CATSPERE: variants seen among roughly 807,000 people sequenced by gnomAD.
CATSPERE encodes cation channel sperm-associated auxiliary subunit epsilon.
In CATSPERE, 93 loss-of-function variants were observed where a neutral mutation model predicts 114.1. The ratio of observed to expected loss-of-function variants is 0.81; its 90% confidence interval spans 0.69 to 0.97. The LOEUF (loss-of-function observed/expected upper bound fraction) is 0.97. Among genes scored for constraint, CATSPERE ranks in the 50% least tolerant of loss-of-function variants. CATSPERE has a pLI of 0.00. For missense variants in CATSPERE, 1,058 were observed against 1,131.6 expected, an observed-to-expected ratio of 0.93 and a Z score of 0.93; for synonymous variants, 341 against 384.1, an observed-to-expected ratio of 0.89 and a Z score of 1.31.
chr1:244,496,262 G>T (rs1198207163), intron 6 of CATSPERE, among the ~76,000 whole-genome samples: 3 of 152,162 alleles, frequency 2.0e-5, no homozygotes, highest in Non-Finnish European at 4.4e-5. Context: ...ATCCTTTAAA[G>T]AATCAAAGAG....
At chr1:244,553,622 C>CACACACACACATATATACAT (rs1553356162) in intron 9 of CATSPERE, among the ~76,000 whole-genome samples, 5,612 of 141,212 alleles carry the variant, frequency 0.04, 172 homozygotes, top group Non-Finnish European at 0.058. Flanking sequence ...CACACACACA[C>CACACACACACATATATACAT]ACACACACAC....
intron 1 of CATSPERE, among the ~76,000 whole-genome samples, chr1:244,462,451 G>A (rs933736117): frequency 2.0e-5 from 3 of 152,142 alleles, no homozygotes; most frequent in Non-Finnish European, 4.4e-5. Context: ...GTGAGAAGCT[G>A]TTGAGGGAGC....
chr1:244,520,243 T>G (rs975965178), intron 8 of CATSPERE, among the ~76,000 whole-genome samples: 1 of 152,172 alleles, frequency 6.6e-6, no homozygotes, highest in African/African-American at 2.4e-5. Context: ...ATGAGTATTA[T>G]AGTGTTCGCT....
chr1:244,521,457 T>C (rs1677544011), intron 8 of CATSPERE, among the ~76,000 whole-genome samples: 1 of 152,224 alleles, frequency 6.6e-6, no homozygotes, highest in Non-Finnish European at 1.5e-5. Flanking sequence ...TATTTTTAAA[T>C]GTTTTAATGT....
intron 8 of CATSPERE, among the ~76,000 whole-genome samples, chr1:244,521,674 T>A (rs1451772257): frequency 6.6e-6 from 1 of 152,034 alleles, no homozygotes; most frequent in African/African-American, 2.4e-5. Context: ...CTGAAAAAAA[T>A]TAGAAATATA....
chr1:244,453,445 C>G (rs1381865743), upstream of CATSPERE, among the ~76,000 whole-genome samples: 1 of 152,222 alleles, frequency 6.6e-6, no homozygotes, highest in Non-Finnish European at 1.5e-5. Context: ...ATTTGCCTGT[C>G]TTGATGAATT....
At chr1:244,539,228 A>T (rs1477392115) in intron 8 of CATSPERE, among the ~76,000 whole-genome samples, 1 of 151,302 alleles carries the variant, frequency 6.6e-6, no homozygotes, top group Non-Finnish European at 1.5e-5. Flanking sequence ...CTATTGAGAT[A>T]ATCGTGTGGT....
At chr1:244,600,381 G>GAC (rs144626960) in intron 17 of CATSPERE, among the ~76,000 whole-genome samples, 1 of 150,506 alleles carries the variant, frequency 6.6e-6, no homozygotes, top group African/African-American at 2.4e-5. Flanking sequence ...AAGAGAGAGA[G>GAC]AGAGACTAGA....
chr1:244,482,578 C>T (rs1367347493), intron 5 of CATSPERE, among the ~76,000 whole-genome samples: 1 of 151,678 alleles, frequency 6.6e-6, no homozygotes, highest in African/African-American at 2.4e-5. Context: ...CTCCAGCCTC[C>T]ATGACAGAGT....
intron 11 of CATSPERE, among the ~76,000 whole-genome samples, chr1:244,580,213 T>A (rs78382992): frequency 1.4e-5 from 2 of 142,548 alleles, no homozygotes; most frequent in African/African-American, 2.6e-5. Flanking sequence ...ATTTTTGTAT[T>A]TTTTTTTTTT....
chr1:244,569,254 C>T (rs1218796786), intron 10 of CATSPERE, among the ~76,000 whole-genome samples: 1 of 152,238 alleles, frequency 6.6e-6, no homozygotes, highest in African/African-American at 2.4e-5. Flanking sequence ...AGCTCGTCTT[C>T]CGTGGGCTGC....
At chr1:244,638,726 A>G (rs1269944997) in intron 21 of CATSPERE, among the ~76,000 whole-genome samples, 2 of 152,230 alleles carry the variant, frequency 1.3e-5, no homozygotes, top group African/African-American at 2.4e-5. Context: ...GGGCAATTAC[A>G]TATAGCCATA....
intron 17 of CATSPERE, among the ~76,000 whole-genome samples, chr1:244,597,845 T>C (rs1668656384): frequency 6.6e-6 from 1 of 152,206 alleles, no homozygotes; most frequent in African/African-American, 2.4e-5. Flanking sequence ...GTGTGAGAAG[T>C]GTTTTCATTT....
At chr1:244,614,757 G>A (rs1671162417) in intron 19 of CATSPERE, among the ~76,000 whole-genome samples, 1 of 152,078 alleles carries the variant, frequency 6.6e-6, no homozygotes, top group African/African-American at 2.4e-5. Flanking sequence ...GTGGTTACCA[G>A]AATATAAAGG....
At chr1:244,548,407 T>G (rs867247054) in intron 8 of CATSPERE, among the ~76,000 whole-genome samples, 17 of 152,186 alleles carry the variant, frequency 1.1e-4, no homozygotes, top group Middle Eastern at 3.2e-3. Context: ...CAATATGACA[T>G]CATTCTGTGT....
chr1:244,615,950 T>TAAAAA (rs35945015), intron 19 of CATSPERE, among the ~76,000 whole-genome samples: 1 of 115,822 alleles, frequency 8.6e-6, no homozygotes, highest in African/African-American at 3.3e-5. Context: ...CCCCATCTCC[T>TAAAAA]AAAAAAAAAA....
Position 244,568,426 on chromosome 1 carries a change from C to G in CATSPERE, c.1508-3904C>G, listed in dbSNP as rs1275954700. ...TGGCTCACAGGAACGTTTAAGTCTG[C>G]TGAAGCTGCGCCCAGGGCCACCCCT... On this transcript the variant is annotated intron_variant, in intron 10 of 21. Transcript: ENST00000366534. The surrounding 1 kb of genome is among the most constrained non-coding windows in gnomAD (Gnocchi z 4.4). Among the ~76,000 whole-genome samples, 1 of 152,228 alleles carries G rather than the reference C, an allele frequency of 6.6e-6. No individual in the cohort carries two copies. The highest frequency in any genetic ancestry group is 1.5e-5 in the Non-Finnish European group (1 of 68,038).
chr1:244,561,091 C>A lies in CATSPERE; in HGVS notation c.1453C>A (p.His485Asn). Residue 485 changes from histidine (H) to asparagine (N), a missense_variant, in exon 10 of 22, where the codon CAT becomes AAT. Coordinates refer to ENST00000366534, the MANE Select transcript of CATSPERE (RefSeq NM_001130957.2). Reference protein sequence around the residue: ...FTGILQTPAGHGNLSMLSNDS... With the variant: ...FTGILQTPAGNGNLSMLSNDS... ...TGGGATTTTACAGACACCTGCAGGA[C>A]ATGGAAATCTATCAATGCTATCAAA... is the stretch of plus-strand genomic sequence containing the variant. 6.2e-7 allele frequency: 1 copy of A among 1,611,210 alleles called. No homozygotes were observed. Among genetic ancestry groups the A allele is most frequent in the Non-Finnish European group, 8.5e-7 (1 of 1,177,908 alleles).
chr1:244,451,448 G>A (rs1048427245), upstream of CATSPERE, among the ~76,000 whole-genome samples: 2 of 152,170 alleles, frequency 1.3e-5, no homozygotes, highest in Non-Finnish European at 2.9e-5. The surrounding 1 kb of genome is among the most constrained non-coding windows in gnomAD (Gnocchi z 6.6). Flanking sequence ...GACGCTCCAG[G>A]TCAGGGGTCC....
Sources: allele counts gnomAD v4.1 joint callset (sites outside exome capture counted in the v4.1 genomes callset), GRCh38; gene constraint gnomAD v4.1.1; non-coding constraint Gnocchi (gnomAD v3.1); transcripts MANE v1.5; gene names NCBI Gene and HGNC (gene_info 2026-07-23, HGNC 2026-07-21).